ADGRV1: variants seen among roughly 807,000 people sequenced by gnomAD.
ADGRV1 encodes the protein G-protein coupled receptor 98.
In ADGRV1, 359 loss-of-function variants were observed where a neutral mutation model predicts 596.2. The observed-to-expected ratio is 0.60, with a 90% CI of 0.55 to 0.66. The LOEUF (loss-of-function observed/expected upper bound fraction) is 0.66, where lower values mean the gene tolerates loss of function less well. ADGRV1 is among the 30% of genes least tolerant of loss of function. ADGRV1 has a pLI of 0.00. For missense variants in ADGRV1, 7,274 were observed against 7,575.6 expected (o/e 0.96, Z 1.48); for synonymous variants, 2,681 against 2,679.2 (o/e 1.00, Z -0.02).
At chr5:90,907,503 C>T (rs1772434856) in intron 83 of ADGRV1, among the ~76,000 whole-genome samples, 1 of 152,070 alleles carries the variant, frequency 6.6e-6, no homozygotes, top group South Asian at 2.1e-4. Context: ...TCCATCCTTC[C>T]CTTTCTCACA....
At chr5:91,031,064 A>G (rs1784444443) in intron 85 of ADGRV1, 7 of 1,493,638 alleles carry the variant, frequency 4.7e-6, no homozygotes, top group South Asian at 1.3e-5. Flanking sequence ...ATAACTGCCA[A>G]TCATATAGGG....
chr5:91,073,327 C>T (rs1320082364), intron 86 of ADGRV1, among the ~76,000 whole-genome samples: 2 of 152,250 alleles, frequency 1.3e-5, no homozygotes, highest in African/African-American at 2.4e-5. Context: ...TAGAGGATCC[C>T]TCTTGGGCCA....
At chr5:90,755,507 GACA>G (rs1054918679) in intron 55 of ADGRV1, among the ~76,000 whole-genome samples, 7 of 151,968 alleles carry the variant, frequency 4.6e-5, no homozygotes, top group African/African-American at 9.7e-5. Context: ...TTAAACTAAT[GACA>G]ACAAGTGAAA....
At chr5:90,811,893 T>G (rs775320551) in intron 74 of ADGRV1, among the ~76,000 whole-genome samples, 17 of 151,998 alleles carry the variant, frequency 1.1e-4, no homozygotes, top group Admixed American at 2.0e-4. Context: ...AATCTTTTCA[T>G]GACAGTTTGC....
intron 17 of ADGRV1, among the ~76,000 whole-genome samples, chr5:90,648,075 C>T: frequency 6.6e-6 from 1 of 152,100 alleles, no homozygotes; most frequent in East Asian, 1.9e-4. Context: ...TACGGCTTCC[C>T]TAGGTATTGC....
At chr5:91,087,680 A>C (rs1167524406) in intron 86 of ADGRV1, among the ~76,000 whole-genome samples, 2 of 152,210 alleles carry the variant, frequency 1.3e-5, no homozygotes, top group African/African-American at 4.8e-5. Flanking sequence ...AACAAACAGC[A>C]GCCAAAGTTT....
At chr5:90,931,351 TGAGTTTTCCAAA>T (rs1228567378) in intron 83 of ADGRV1, 2 of 152,178 alleles carry the variant, frequency 1.3e-5, no homozygotes, top group African/African-American at 4.8e-5. Context: ...GTGGAAGGGA[TGAGTTTTCCAAA>T]AAGTTAGTCA....
At position 90,694,630 on chromosome 5, in the gene ADGRV1, G is replaced by C; in HGVS notation, c.7874G>C (p.Arg2625Pro). Residue 2625 changes from arginine to proline, a missense_variant, in exon 33 of 90, where the codon CGT becomes CCT. Physicochemically the swap from Arg to Pro is moderately radical, Grantham distance 103 (BLOSUM62 -2). Transcript: ENST00000405460. ...GSLGQVAVEW[R>P]VVGGTATEGL... is the part of the protein sequence containing the mutation. ...TTAGGTCAAGTGGCAGTCGAATGGCGTGTTGTTGGTGGAACAGCTACTGAA... is the reference window on the plus strand; with the variant it reads ...TTAGGTCAAGTGGCAGTCGAATGGCCTGTTGTTGGTGGAACAGCTACTGAA... The C allele has an allele frequency of 2.5e-6, 4 of 1,613,486 alleles. No individual in the cohort carries two copies. The highest frequency in any genetic ancestry group is 3.4e-6 in the Non-Finnish European group (4 of 1,179,620).
chr5:90,902,786 T>A (rs1279396706), intron 83 of ADGRV1, among the ~76,000 whole-genome samples: 1 of 152,178 alleles, frequency 6.6e-6, no homozygotes, highest in Non-Finnish European at 1.5e-5. Flanking sequence ...CATCTGGATT[T>A]TTCAGAAGGC....
rs971279294 is a variant in ADGRV1 at position 90,694,506 on chromosome 5, A to C, written c.7750A>C (p.Asn2584His). ...GDAFGVFVIY[N>H]ISPNTSEDGL... Reference sequence around the variant, plus strand: ...TGCCTTTGGAGTGTTTGTGATCTACAATATTAGTCCCAATACTTCCGAAGA... The same window carrying C: ...TGCCTTTGGAGTGTTTGTGATCTACCATATTAGTCCCAATACTTCCGAAGA... Residue 2584 changes from asparagine (N) to histidine (H), a missense_variant, in exon 33 of 90, where the codon AAT (asparagine) becomes CAT (histidine). Asn to His is a moderately conservative substitution (Grantham distance 68). This residue lies in a region of ADGRV1 where 3,643 missense variants were observed against 3,809.2 expected (regional missense o/e 0.96). Coordinates refer to ENST00000405460, the MANE Select transcript of ADGRV1 (RefSeq NM_032119.4). The C allele has an allele frequency of 6.2e-7, 1 of 1,613,992 alleles. No homozygotes were observed.
chr5:90,964,279 G>A (rs1778266148), intron 83 of ADGRV1, among the ~76,000 whole-genome samples: 2 of 152,070 alleles, frequency 1.3e-5, no homozygotes, highest in African/African-American at 4.8e-5. Flanking sequence ...AAGTTAAGAG[G>A]TTTTAAGGCA....
intron 1 of ADGRV1, among the ~76,000 whole-genome samples, chr5:90,587,139 A>G (rs1030151406): frequency 6.6e-6 from 1 of 152,186 alleles, no homozygotes; most frequent in Non-Finnish European, 1.5e-5. Flanking sequence ...CGTGTTTCAA[A>G]CAATCACATT....
intron 9 of ADGRV1, among the ~76,000 whole-genome samples, chr5:90,634,578 T>TG (rs1765913005): frequency 6.6e-6 from 1 of 151,884 alleles, no homozygotes; most frequent in Non-Finnish European, 1.5e-5. Flanking sequence ...AGAAGGGAAA[T>TG]GGGGGATGAT....
chr5:91,153,327 A>G lies in ADGRV1; in HGVS notation c.18731A>G (p.Tyr6244Cys). 1 of 1,612,782 alleles carries G rather than the reference A, an allele frequency of 6.2e-7. No individual in the cohort carries two copies. The highest frequency in any genetic ancestry group is 1.3e-5 in the African/African-American group (1 of 75,026). ...GCCACGTTCCCGTCCTCTGGAGGATATGGCCAGGGGTCACTGATAGCCGAT... is the reference window on the plus strand; with the variant it reads ...GCCACGTTCCCGTCCTCTGGAGGATGTGGCCAGGGGTCACTGATAGCCGAT... ...NGATFPSSGG[Y>C]GQGSLIADEE... Residue 6244 changes from tyrosine (Y) to cysteine (C), a missense_variant, in exon 89 of 90, where the codon TAT becomes TGT. Physicochemically the swap from Tyr to Cys is radical, Grantham distance 194. Transcript: ENST00000405460.
intron 83 of ADGRV1, among the ~76,000 whole-genome samples, chr5:90,945,184 A>G (rs542092688): frequency 1.4e-4 from 22 of 152,326 alleles, no homozygotes; most frequent in African/African-American, 5.1e-4. Context: ...TAAAAAAGCA[A>G]AACCACAGGG....
chr5:91,158,157 T>C (rs1796629023), intron 89 of ADGRV1, among the ~76,000 whole-genome samples: 1 of 152,236 alleles, frequency 6.6e-6, no homozygotes, highest in South Asian at 2.1e-4. Context: ...CTTGAGATTA[T>C]GTGACAATGA....
chr5:90,802,649 A>G, intron 70 of ADGRV1, 90 bp from the exon 71 acceptor site: 1 of 1,181,966 alleles, frequency 8.5e-7, no homozygotes, highest in South Asian at 1.4e-5. Context: ...CTACTAAAGC[A>G]ACCTCAGGCA....
At chr5:90,979,199 T>C (rs1254128074) in intron 84 of ADGRV1, among the ~76,000 whole-genome samples, 1 of 151,748 alleles carries the variant, frequency 6.6e-6, no homozygotes. Context: ...GATGGGGTCT[T>C]GTTCTGTCAC....
At chr5:90,636,195 T>C (rs552846421) in intron 10 of ADGRV1, among the ~76,000 whole-genome samples, 44 of 147,780 alleles carry the variant, frequency 3.0e-4, no homozygotes, top group African/African-American at 1.0e-3. Flanking sequence ...AATTTTTCTC[T>C]TAGGGATGGC....
Sources: gnomAD v4.1 joint callset for allele counts (sites outside exome capture counted in the v4.1 genomes callset) on GRCh38, gnomAD v4.1.1 for gene constraint, gnomAD v4.1.1 regional missense constraint, MANE v1.5 for transcripts, NCBI Gene and HGNC (gene_info 2026-07-23, HGNC 2026-07-21) for gene names.